The following APBA1 variants were observed in gnomAD, a reference collection of about 807,000 sequenced individuals.
APBA1 encodes the protein amyloid beta precursor protein binding family A member 1, also known as amyloid-beta A4 precursor protein-binding family A member 1.
In APBA1, 55 loss-of-function variants were observed where a neutral mutation model predicts 86.6. The ratio of observed to expected loss-of-function variants is 0.64; its 90% confidence interval spans 0.51 to 0.80. APBA1 has a LOEUF of 0.80. Among genes scored for constraint, APBA1 ranks in the 30% least tolerant of loss-of-function variants. The pLI is 0.00. For missense variants in APBA1, 1,090 were observed against 1,183.0 expected (o/e 0.92, Z 1.15); for synonymous variants, 511 against 493.9 (o/e 1.03, Z -0.46).
At chr9:69,562,353 T>A (rs1588364909) in intron 1 of APBA1, among the ~76,000 whole-genome samples, 1 of 152,010 alleles carries the variant, frequency 6.6e-6, no homozygotes, top group East Asian at 1.9e-4. Context: ...TACCTTCATA[T>A]ATCCTAGATT....
chr9:69,525,438 C>T (rs1476206022), intron 1 of APBA1, among the ~76,000 whole-genome samples: 1 of 152,050 alleles, frequency 6.6e-6, no homozygotes, highest in South Asian at 2.1e-4. Context: ...GCACCAATAA[C>T]GTTCAACCTG....
intron 2 of APBA1, among the ~76,000 whole-genome samples, chr9:69,491,132 G>A (rs1835702761): frequency 6.6e-6 from 1 of 152,050 alleles, no homozygotes; most frequent in Non-Finnish European, 1.5e-5. Context: ...TATAAATCAT[G>A]CTGCTATAAA....
intron 2 of APBA1, among the ~76,000 whole-genome samples, chr9:69,482,623 G>A (rs1835533048): frequency 6.6e-6 from 1 of 151,254 alleles, no homozygotes. Context: ...CCATTACTGG[G>A]TATATACCCA....
chr9:69,513,313 C>T (rs12347818), intron 2 of APBA1, among the ~76,000 whole-genome samples: 23,186 of 152,196 alleles, frequency 0.15, 2,369 homozygotes, highest in East Asian at 0.28. Flanking sequence ...ATAGGCTGTA[C>T]TGTGGGCTCA....
intron 1 of APBA1, among the ~76,000 whole-genome samples, chr9:69,666,594 G>A (rs1414009736): frequency 6.6e-6 from 1 of 152,036 alleles, no homozygotes; most frequent in East Asian, 1.9e-4. Flanking sequence ...AGTGTTCAAT[G>A]AGTGTATGTT....
intron 10 of APBA1, 75 bp from the exon 11 acceptor site, chr9:69,441,190 A>T: frequency 1.3e-6 from 2 of 1,527,228 alleles, no homozygotes; most frequent in Non-Finnish European, 1.8e-6. Context: ...GGCAGCACCA[A>T]AGGCAAAAGA....
At position 69,516,621 on chromosome 9, in the gene APBA1, A is replaced by C; in HGVS notation, c.590T>G (p.Val197Gly). Residue 197 changes from valine (V) to glycine (G), a missense_variant, in exon 2 of 13, where the codon GTG becomes GGG. Val to Gly is a moderately radical substitution (Grantham distance 109). This residue lies in a region of APBA1 where 678 missense variants were observed against 647.1 expected (regional missense o/e 1.05). Transcript: ENST00000265381. The surrounding 1 kb of genome is among the most constrained non-coding windows in gnomAD (Gnocchi z 7.3). ...GGGCGCGTCCCCTATCTCCTCGTAC[A>C]CGTGCTCCTGGAGGCCGCCGTAGTC... The part of the protein sequence containing the change: ...YADYGGLQEH[V>G]YEEIGDAPEL... 1.9e-6 allele frequency: 3 copies of C among 1,606,898 alleles called. No homozygotes were observed. The highest frequency in any genetic ancestry group is 2.5e-6 in the Non-Finnish European group (3 of 1,179,152).
At position 69,650,313 on chromosome 9, in the gene APBA1, A is replaced by C. The variant is rs193196747; in HGVS notation, c.-70+21840T>G. Reference sequence around the variant, plus strand: ...CTTTGAGCAATGTCTTATGCTGCTTATAGTAAGCAATACACAAACATTTGC... The same window carrying C: ...CTTTGAGCAATGTCTTATGCTGCTTCTAGTAAGCAATACACAAACATTTGC... On this transcript the variant is annotated intron_variant, in intron 1 of 12. Transcript: ENST00000265381. Among the ~76,000 whole-genome samples the C allele has an allele frequency of 1.5e-3, 236 of 152,320 alleles. 2 individuals carry two copies. Among genetic ancestry groups the C allele is most frequent in the Non-Finnish European group, 7.5e-4 (51 of 68,018 alleles).
rs1836157118 is a variant in APBA1 at position 69,516,610 on chromosome 9, T to G, written c.601A>C (p.Ile201Leu). The change falls in exon 2 of 13, where the codon ATA becomes CTA. Residue 201 changes from isoleucine to leucine, a missense_variant. Ile to Leu is a conservative substitution (Grantham distance 5, BLOSUM62 2). Transcript: ENST00000265381. The surrounding 1 kb of genome is among the most constrained non-coding windows in gnomAD (Gnocchi z 7.3). ...GGLQEHVYEEIGDAPELDARD... is the reference protein window; with the variant it reads ...GGLQEHVYEELGDAPELDARD... ...GCGTCCAGCTCGGGCGCGTCCCCTA[T>G]CTCCTCGTACACGTGCTCCTGGAGG... 6.2e-7 allele frequency: 1 copy of G among 1,606,214 alleles called. No individual in the cohort carries two copies. The highest frequency in any genetic ancestry group is 1.1e-5 in the South Asian group (1 of 90,950).
At chr9:69,648,746 C>T (rs998064057) in intron 1 of APBA1, among the ~76,000 whole-genome samples, 2 of 152,134 alleles carry the variant, frequency 1.3e-5, no homozygotes, top group Non-Finnish European at 2.9e-5. Context: ...CTTTTTTAAG[C>T]ATCCATATGG....
chr9:69,592,671 C>T (rs2133966212), intron 1 of APBA1, among the ~76,000 whole-genome samples: 1 of 152,296 alleles, frequency 6.6e-6, no homozygotes, highest in East Asian at 1.9e-4. Flanking sequence ...CTTTCCTATG[C>T]TCTCACGTGC....
chr9:69,658,268 CTTTCTTTCTTTCTTTCTCTCTCTCTT>C (rs1823662847), intron 1 of APBA1, among the ~76,000 whole-genome samples: 6 of 88,408 alleles, frequency 6.8e-5, no homozygotes, highest in African/African-American at 2.6e-4. Context: ...TTCTTTCTTT[CTTTCTTTCTTTCTTTCTCTCTCTCTT>C]TCTCTCTCTC....
intron 10 of APBA1, among the ~76,000 whole-genome samples, chr9:69,445,910 A>G (rs1286355005): frequency 6.6e-6 from 1 of 152,204 alleles, no homozygotes; most frequent in Non-Finnish European, 1.5e-5. Flanking sequence ...CCAAAAATGC[A>G]GAATTCCACC....
chr9:69,555,236 T>G lies in APBA1; in HGVS notation c.-69-37957A>C, dbSNP rs113655632. ...AAACAAGCTATAGCATTGGGCTGTT[T>G]CACCCAGATTTAAAACATTCCTTAG... On this transcript the variant is annotated intron_variant, in intron 1 of 12. Transcript: ENST00000265381. 3.1e-3 allele frequency among the ~76,000 whole-genome samples: 466 copies of G among 152,270 alleles called. 4 individuals carry two copies. Among genetic ancestry groups the G allele is most frequent in the African/African-American group, 0.011 (441 of 41,566 alleles).
intron 1 of APBA1, among the ~76,000 whole-genome samples, chr9:69,554,953 T>C (rs1836839589): frequency 6.6e-6 from 1 of 152,224 alleles, no homozygotes; most frequent in Non-Finnish European, 1.5e-5. Flanking sequence ...TAACAGATGA[T>C]AGCATGGAGA....
intron 1 of APBA1, among the ~76,000 whole-genome samples, chr9:69,669,007 T>G (rs1240769381): frequency 6.6e-6 from 1 of 152,206 alleles, no homozygotes; most frequent in Non-Finnish European, 1.5e-5. Context: ...TAGTAACATA[T>G]TTCCTCTTTT....
chr9:69,475,968 A>G, intron 3 of APBA1, 80 bp downstream of exon 3: 1 of 1,138,784 alleles, frequency 8.8e-7, no homozygotes, highest in Non-Finnish European at 1.3e-6. Flanking sequence ...GCGCTGTAGG[A>G]TGCTGTATTA....
At chr9:69,588,299 G>A (rs1822061269) in intron 1 of APBA1, among the ~76,000 whole-genome samples, 1 of 152,096 alleles carries the variant, frequency 6.6e-6, no homozygotes, top group African/African-American at 2.4e-5. Context: ...TATTGACAGT[G>A]GGAGAATTAA....
rs1042808263 is a variant in APBA1, at chr9:69,650,901, C to T, written c.-70+21252G>A. 5.3e-5 allele frequency among the ~76,000 whole-genome samples: 8 copies of T among 152,194 alleles called. No individual in the cohort carries two copies. In the South Asian group the frequency reaches 8.3e-4, roughly 16 times the overall value. On this transcript the variant is annotated intron_variant, in intron 1 of 12. Coordinates refer to ENST00000265381, the MANE Select transcript of APBA1 (RefSeq NM_001163.4). Reference sequence around the variant, plus strand: ...ACTAAACACATGCCCATCCCTATGACGAAATAGTTTCACTCCTAAATATAT... The same window carrying T: ...ACTAAACACATGCCCATCCCTATGATGAAATAGTTTCACTCCTAAATATAT...
Sources: gnomAD v4.1 joint callset for allele counts (sites outside exome capture counted in the v4.1 genomes callset) on GRCh38, gnomAD v4.1.1 for gene constraint, gnomAD v4.1.1 regional missense constraint, Gnocchi (gnomAD v3.1) non-coding constraint, MANE v1.5 for transcripts, NCBI Gene and HGNC (gene_info 2026-07-23, HGNC 2026-07-21) for gene names.